The following PHAF1 variants were observed in gnomAD, a reference collection of about 807,000 sequenced individuals.
PHAF1 encodes the protein phagophore assembly factor 1.
A neutral mutation model predicts 63.1 loss-of-function variants in PHAF1; 23 were observed. That is an observed-to-expected ratio of 0.36 (90% confidence interval 0.26 to 0.52). The LOEUF is 0.52. Among genes scored for constraint, PHAF1 ranks in the 20% least tolerant of loss-of-function variants. The probability of loss-of-function intolerance (pLI) is 0.93; values close to 1 mark genes in which losing one functional copy is unlikely to be tolerated. For missense variants in PHAF1, 427 were observed against 517.2 expected (o/e 0.83, Z 1.69); for synonymous variants, 167 against 185.0 (o/e 0.90, Z 0.79).
intron 15 of PHAF1, 49 bp downstream of exon 15, chr16:67,146,399 A>G: frequency 6.4e-7 from 1 of 1,554,832 alleles, no homozygotes; most frequent in Non-Finnish European, 8.9e-7. Context: ...GTTGCTGGTC[A>G]TGGCAGGGCC....
At chr16:67,138,409 C>G (rs1354137138) in intron 8 of PHAF1, among the ~76,000 whole-genome samples, 1 of 152,152 alleles carries the variant, frequency 6.6e-6, no homozygotes. Context: ...TGGATTGTTA[C>G]ACATGAGAGA....
At position 67,134,172 on chromosome 16, in the gene PHAF1, A is replaced by G. The variant is rs758709116; in HGVS notation, c.455A>G (p.Asn152Ser). 11 of 1,613,528 alleles carry G rather than the reference A, an allele frequency of 6.8e-6. No homozygotes were observed. The highest frequency in any genetic ancestry group is 2.7e-5 in the African/African-American group (2 of 74,874). ...ACTCTTGACCTTTGTTTGCAGCCCA[A>G]TTTTGCCCATGGCCTGGCTTCTCTC... ...SWTEAPKYEPNFAHGLASLQI... is the reference protein window; with the variant it reads ...SWTEAPKYEPSFAHGLASLQI... Residue 152 changes from asparagine (N) to serine (S), a missense_variant, in exon 7 of 16, where the codon AAT becomes AGT. Physicochemically the swap from Asn to Ser is conservative, Grantham distance 46. Coordinates refer to ENST00000219139, the MANE Select transcript of PHAF1 (RefSeq NM_025187.5).
intron 15 of PHAF1, 65 bp from the exon 16 acceptor site, chr16:67,146,980 T>C: frequency 1.4e-6 from 2 of 1,433,598 alleles, no homozygotes; most frequent in South Asian, 2.3e-5. Flanking sequence ...CCAGCCCTCA[T>C]GCACAGGATC....
At chr16:67,141,324 TGA>T (rs1409896794) in intron 10 of PHAF1, among the ~76,000 whole-genome samples, 1 of 152,268 alleles carries the variant, frequency 6.6e-6, no homozygotes, top group East Asian at 1.9e-4. Flanking sequence ...CATGAACTCC[TGA>T]GAGTAGGATG....
chr16:67,130,859 C>G (rs1003596972), intron 3 of PHAF1, among the ~76,000 whole-genome samples: 1 of 152,160 alleles, frequency 6.6e-6, no homozygotes, highest in African/African-American at 2.4e-5. Context: ...CCATGGACAT[C>G]TGTTGAGCAG....
At chr16:67,132,666 A>G (rs1476562602) in intron 5 of PHAF1, 141 bp downstream of exon 5, 5 of 1,204,262 alleles carry the variant, frequency 4.2e-6, no homozygotes, top group Admixed American at 1.7e-5. Context: ...TGAAGGAAAC[A>G]TCCTCCCCCT....
At chr16:67,133,545 G>A (rs1236940130) in intron 6 of PHAF1, among the ~76,000 whole-genome samples, 4 of 150,012 alleles carry the variant, frequency 2.7e-5, no homozygotes, top group Non-Finnish European at 4.4e-5. Context: ...AGTGGCTCAC[G>A]CTTGTAATCC....
chr16:67,146,410 A>G, intron 15 of PHAF1, 60 bp downstream of exon 15: 1 of 1,526,480 alleles, frequency 6.6e-7, no homozygotes, highest in Admixed American at 1.7e-5. Flanking sequence ...TGGCAGGGCC[A>G]GGTGAATGAT....
At chr16:67,145,245 A>G (rs756262111) in intron 12 of PHAF1, 131 bp from the exon 13 acceptor site, 33 of 1,029,960 alleles carry the variant, frequency 3.2e-5, no homozygotes, top group Non-Finnish European at 4.4e-5. Context: ...GAACTCCAAA[A>G]CAGCCTGTTA....
rs1963768387 is a variant in PHAF1, at chr16:67,140,496, A to AT, written c.796-9dup. The AT allele has an allele frequency of 2.6e-6, 4 of 1,543,242 alleles. No individual in the cohort carries two copies. Among genetic ancestry groups the AT allele is most frequent in the African/African-American group, 2.7e-5 (2 of 73,400 alleles). On this transcript the variant is annotated splice_polypyrimidine_tract_variant and intron_variant, in intron 9 of 15. Coordinates refer to ENST00000219139, the MANE Select transcript of PHAF1 (RefSeq NM_025187.5). ...GAGGGATGGATTTTAATTTATGGTT[A>AT]TTTTTTCCCTACAGATGAAAATTCA...
At chr16:67,134,518 G>T in intron 8 of PHAF1, 51 bp downstream of exon 8, 1 of 1,461,334 alleles carries the variant, frequency 6.8e-7, no homozygotes, top group South Asian at 1.1e-5. Context: ...CCCATGTTGA[G>T]ACAGTCTAAA....
At chr16:67,112,557 A>G (rs1962561477) in intron 1 of PHAF1, among the ~76,000 whole-genome samples, 1 of 151,560 alleles carries the variant, frequency 6.6e-6, no homozygotes, top group East Asian at 1.9e-4. Flanking sequence ...AAAAAAAAGT[A>G]GTTACTAGGA....
intron 8 of PHAF1, 35 bp from the exon 9 acceptor site, chr16:67,139,949 A>G: frequency 3.1e-6 from 5 of 1,613,794 alleles, no homozygotes; most frequent in Non-Finnish European, 4.2e-6. Flanking sequence ...GGTCCTAACC[A>G]TAACCTGACA....
intron 2 of PHAF1, among the ~76,000 whole-genome samples, chr16:67,120,855 A>G (rs534114368): frequency 6.6e-6 from 1 of 152,052 alleles, no homozygotes; most frequent in Non-Finnish European, 1.5e-5. Flanking sequence ...TTTCAGTTCC[A>G]ATTAGTTTCA....
chr16:67,134,032 A>C (rs1229306399), intron 6 of PHAF1, 136 bp from the exon 7 acceptor site: 1 of 680,492 alleles, frequency 1.5e-6, no homozygotes, highest in African/African-American at 1.8e-5. Context: ...ACCCAGAGCC[A>C]GAGAGCCAGG....
chr16:67,145,664 T>C, intron 14 of PHAF1, 36 bp downstream of exon 14: 1 of 1,595,532 alleles, frequency 6.3e-7, no homozygotes, highest in South Asian at 1.1e-5. Flanking sequence ...CCACCCCACC[T>C]GACTCCTCAG....
chr16:67,117,292 G>C (rs1268329144), intron 1 of PHAF1, among the ~76,000 whole-genome samples: 1 of 143,050 alleles, frequency 7.0e-6, no homozygotes, highest in Non-Finnish European at 1.5e-5. Context: ...CTCGTGATCC[G>C]CCTGCCTCGG....
Position 67,147,362 on chromosome 16 carries a change from GAGA to G in PHAF1, c.*234_*236del. On this transcript the variant is annotated 3_prime_UTR_variant, in exon 16 of 16. Transcript: ENST00000219139. Reference sequence around the variant, plus strand: ...GCCAGCAGGGGACACAGACTGCAAAGAGAAGCACAAAGTTTGAGCCTTGATTCC... The same window carrying G: ...GCCAGCAGGGGACACAGACTGCAAAGAGCACAAAGTTTGAGCCTTGATTCC... The G allele has an allele frequency of 1.9e-6, 1 of 525,970 alleles. No individual in the cohort carries two copies. The highest frequency in any genetic ancestry group is 3.1e-5 in the East Asian group (1 of 31,954). The allele number at this position is 525,970 out of a possible 1,614,324, so 32.6% of individuals were successfully genotyped here. A position where few individuals can be genotyped will look rare whatever the true frequency, so the allele number is the denominator to read the frequency against.
intron 1 of PHAF1, among the ~76,000 whole-genome samples, chr16:67,111,780 C>T (rs1267537093): frequency 6.6e-6 from 1 of 152,166 alleles, no homozygotes; most frequent in East Asian, 1.9e-4. Flanking sequence ...TCTGCCACCA[C>T]ACCCGGCTAA....
Sources: allele counts gnomAD v4.1 joint callset (sites outside exome capture counted in the v4.1 genomes callset), GRCh38; gene constraint gnomAD v4.1.1; transcripts MANE v1.5; gene names NCBI Gene and HGNC (gene_info 2026-07-23, HGNC 2026-07-21).